Variants in KLHL2 observed in about 807,000 individuals in gnomAD.
The protein encoded by KLHL2 is kelch-like protein 2.
A neutral mutation model predicts 75.8 loss-of-function variants in KLHL2; 15 were observed. That is an observed-to-expected ratio of 0.20 (90% confidence interval 0.13 to 0.30). The LOEUF is 0.30. Ranked by LOEUF, KLHL2 falls within the 10% of genes least tolerant of loss-of-function variation. The pLI, the probability that KLHL2 is intolerant of heterozygous loss-of-function variation, is 1.00. For synonymous variants in KLHL2, 214 were observed against 251.9 expected (o/e 0.85, Z 1.42); for missense variants, 381 against 741.0 (o/e 0.51, Z 5.64).
chr4:165,262,018 A>C, intron 4 of KLHL2, among the ~76,000 whole-genome samples: 1 of 152,224 alleles, frequency 6.6e-6, no homozygotes. Context: ...GGATCACCAG[A>C]ATTCGATAAC....
chr4:165,219,164 A>G (rs1439530651), intron 1 of KLHL2, among the ~76,000 whole-genome samples: 2 of 152,338 alleles, frequency 1.3e-5, no homozygotes, highest in African/African-American at 4.8e-5. Context: ...GTGTGCTTAA[A>G]AAATGTAAAT....
intron 13 of KLHL2, 52 bp from the exon 14 acceptor site, chr4:165,317,774 A>C (rs906333087): frequency 7.0e-7 from 1 of 1,430,976 alleles, no homozygotes; most frequent in Admixed American, 1.8e-5. Context: ...AGTGATACTC[A>C]TATTCATCCC....
chr4:165,289,080 C>T (rs1297685378), intron 5 of KLHL2, among the ~76,000 whole-genome samples: 1 of 152,136 alleles, frequency 6.6e-6, no homozygotes, highest in Non-Finnish European at 1.5e-5. Flanking sequence ...CTTTGCCAGT[C>T]ATCTAGTGCT....
intron 4 of KLHL2, among the ~76,000 whole-genome samples, chr4:165,244,405 T>C (rs1740066363): frequency 6.6e-6 from 1 of 152,250 alleles, no homozygotes; most frequent in African/African-American, 2.4e-5. Flanking sequence ...ATGTAGTTAC[T>C]GAGGGCATGG....
At chr4:165,223,621 C>T (rs979390297) in intron 2 of KLHL2, among the ~76,000 whole-genome samples, 6 of 152,144 alleles carry the variant, frequency 3.9e-5, no homozygotes, top group African/African-American at 9.7e-5. Context: ...ATGATGAATT[C>T]GGACTTAATC....
chr4:165,264,751 T>C (rs1300832922), intron 5 of KLHL2, among the ~76,000 whole-genome samples: 34 of 74,168 alleles, frequency 4.6e-4, no homozygotes, highest in East Asian at 3.7e-3. Context: ...TATATATATA[T>C]ATATATATAT....
Position 165,311,543 on chromosome 4 carries a change from T to A in KLHL2, c.1317T>A (p.Ser439Arg). The A allele has an allele frequency of 6.2e-7, 1 of 1,613,628 alleles. No individual in the cohort carries two copies. Among genetic ancestry groups the A allele is most frequent in the Non-Finnish European group, 8.5e-7 (1 of 1,179,628 alleles). The change falls in exon 11 of 15, where the codon AGT becomes AGA. Residue 439 changes from serine (S) to arginine (R), a missense_variant. Physicochemically the swap from Ser to Arg is moderately radical, Grantham distance 110. This residue lies in a region of KLHL2 where 168 missense variants were observed against 370.4 expected (regional missense o/e 0.45). Transcript: ENST00000226725. ...HVAPMNTRRS[S>R]VGVGVVGGLL... ...CTCCCATGAATACAAGGAGGAGCAGTGTTGGTGTGGGTGTTGTTGGAGGTA... is the reference window on the plus strand; with the variant it reads ...CTCCCATGAATACAAGGAGGAGCAGAGTTGGTGTGGGTGTTGTTGGAGGTA...
At chr4:165,246,709 G>A (rs1020137674) in intron 4 of KLHL2, among the ~76,000 whole-genome samples, 1 of 152,160 alleles carries the variant, frequency 6.6e-6, no homozygotes. Context: ...CATGGGATGG[G>A]GACATATTTT....
At chr4:165,300,725 T>A (rs1162468960) in intron 8 of KLHL2, among the ~76,000 whole-genome samples, 1 of 152,218 alleles carries the variant, frequency 6.6e-6, no homozygotes, top group South Asian at 2.1e-4. Context: ...ACTCATAATA[T>A]AAAGACTTTA....
intron 10 of KLHL2, 105 bp downstream of exon 10, chr4:165,310,855 G>GTTTT (rs201298313): frequency 2.7e-5 from 16 of 595,586 alleles, no homozygotes; most frequent in African/African-American, 6.2e-5. Flanking sequence ...GGTTTTTTGT[G>GTTTT]TTTTTTTTTT....
chr4:165,262,131 T>C (rs1265922624), intron 4 of KLHL2, among the ~76,000 whole-genome samples: 1 of 152,238 alleles, frequency 6.6e-6, no homozygotes, highest in East Asian at 1.9e-4. Context: ...TATTATTGAC[T>C]TATTTGAAAA....
At chr4:165,278,072 C>T (rs575086691) in intron 5 of KLHL2, 7 of 1,540,494 alleles carry the variant, frequency 4.5e-6, no homozygotes, top group Admixed American at 3.3e-5. Flanking sequence ...ACAGAAGACA[C>T]TAGGGTCACC....
intron 5 of KLHL2, chr4:165,278,958 G>T (rs764019175): frequency 2.0e-6 from 3 of 1,488,124 alleles, no homozygotes; most frequent in East Asian, 2.3e-5. Flanking sequence ...ACATGTGGAA[G>T]AATTTCCATT....
intron 5 of KLHL2, among the ~76,000 whole-genome samples, chr4:165,284,896 A>AG (rs1213132250): frequency 6.6e-6 from 1 of 152,214 alleles, no homozygotes; most frequent in Non-Finnish European, 1.5e-5. Flanking sequence ...GGATGGCAGC[A>AG]GGCAAACAGA....
intron 2 of KLHL2, among the ~76,000 whole-genome samples, chr4:165,220,732 T>G (rs1227603681): frequency 6.6e-6 from 1 of 152,182 alleles, no homozygotes; most frequent in Non-Finnish European, 1.5e-5. Flanking sequence ...AAAGAAACTT[T>G]TAGAGAAAAA....
At chr4:165,321,885 A>C (rs57823891) in intron 14 of KLHL2, 147 bp from the exon 15 acceptor site, 25,621 of 719,322 alleles carry the variant, frequency 0.036, 1,246 homozygotes, top group African/African-American at 0.18. Flanking sequence ...TCAAATGATA[A>C]TACTACTAAA....
chr4:165,251,543 C>G (rs1405276782), intron 4 of KLHL2, among the ~76,000 whole-genome samples: 1 of 151,314 alleles, frequency 6.6e-6, no homozygotes, highest in Admixed American at 6.6e-5. Flanking sequence ...TTTGAGAAAA[C>G]CTAGAAACCT....
At chr4:165,298,135 C>T (rs968310282) in intron 7 of KLHL2, among the ~76,000 whole-genome samples, 17 of 152,158 alleles carry the variant, frequency 1.1e-4, no homozygotes, top group Non-Finnish European at 2.1e-4. Context: ...CACCATTCCC[C>T]GTTCTTAGAA....
intron 3 of KLHL2, among the ~76,000 whole-genome samples, chr4:165,237,626 C>T (rs3864145): frequency 1.7e-3 from 264 of 151,280 alleles, no homozygotes; most frequent in Non-Finnish European, 2.9e-3. Flanking sequence ...AGTTTATGGT[C>T]GCTGACAGTG....
Sources: gnomAD v4.1 joint callset for allele counts (sites outside exome capture counted in the v4.1 genomes callset) on GRCh38, gnomAD v4.1.1 for gene constraint, gnomAD v4.1.1 regional missense constraint, MANE v1.5 for transcripts, NCBI Gene and HGNC (gene_info 2026-07-23, HGNC 2026-07-21) for gene names.